Variants in WDSUB1 observed in about 807,000 individuals in gnomAD.
The protein encoded by WDSUB1 is WD repeat, SAM and U-box domain-containing protein 1.
A neutral mutation model predicts 53.9 loss-of-function variants in WDSUB1; 49 were observed. The observed-to-expected ratio is 0.91, with a 90% confidence interval of 0.72 to 1.15. WDSUB1 has a LOEUF of 1.15. Among genes scored for constraint, WDSUB1 ranks in the 50% most tolerant of loss-of-function variants. The probability of loss-of-function intolerance (pLI) is 0.00; values close to 1 mark genes in which losing one functional copy is unlikely to be tolerated. For missense variants in WDSUB1, 514 were observed against 562.0 expected (o/e 0.91, Z 0.86); for synonymous variants, 194 against 200.6 (o/e 0.97, Z 0.28).
At position 159,271,799 on chromosome 2, in the gene WDSUB1, C is replaced by A. The variant is rs555981399; in HGVS notation, c.677-4G>T. 124 of 1,611,270 alleles carry A rather than the reference C, an allele frequency of 7.7e-5. No homozygotes were observed. The South Asian group carries it at 1.3e-3, about 17-fold the overall frequency. ...CTTTTATATTTTAATTCAAAACCTG[C>A]AAATAACAAGGTAACAGAGATTAGA... On this transcript the variant is annotated splice_polypyrimidine_tract_variant and splice_region_variant and intron_variant, in intron 4 of 10. Coordinates refer to ENST00000359774, the MANE Select transcript of WDSUB1 (RefSeq NM_001128212.3).
chr2:159,245,272 AT>A, intron 10 of WDSUB1, among the ~76,000 whole-genome samples: 1 of 152,206 alleles, frequency 6.6e-6, no homozygotes, highest in East Asian at 1.9e-4. Flanking sequence ...CATGCTTGTA[AT>A]ACCAGCACTT....
chr2:159,255,312 A>G (rs1480555291), intron 9 of WDSUB1, among the ~76,000 whole-genome samples: 1 of 151,728 alleles, frequency 6.6e-6, no homozygotes, highest in Non-Finnish European at 1.5e-5. Flanking sequence ...CTAAAAATAT[A>G]AAAAATTAGC....
intron 10 of WDSUB1, among the ~76,000 whole-genome samples, chr2:159,240,067 C>T (rs944810621): frequency 1.3e-5 from 2 of 152,172 alleles, no homozygotes; most frequent in East Asian, 1.9e-4. Context: ...TCACTGCCCC[C>T]GCAGCGTGTG....
intron 4 of WDSUB1, among the ~76,000 whole-genome samples, chr2:159,272,617 C>T (rs2151131223): frequency 6.6e-6 from 1 of 152,182 alleles, no homozygotes; most frequent in East Asian, 1.9e-4. Context: ...TAAACTATAC[C>T]ACAATTTTAG....
At chr2:159,237,502 C>T (rs1273007002) in intron 10 of WDSUB1, among the ~76,000 whole-genome samples, 1 of 147,852 alleles carries the variant, frequency 6.8e-6, no homozygotes, top group Non-Finnish European at 1.5e-5. Context: ...GCCTGGGTGA[C>T]AGAGCAAGAC....
At chr2:159,271,935 C>T (rs750448728) in intron 4 of WDSUB1, 140 bp from the exon 5 acceptor site, 11 of 656,544 alleles carry the variant, frequency 1.7e-5, no homozygotes, top group Admixed American at 3.0e-5. Context: ...CCTCATGCAG[C>T]TCAGATATCT....
intron 10 of WDSUB1, among the ~76,000 whole-genome samples, chr2:159,247,910 A>ATATAAATATATATATAT (rs2060846247): frequency 0.011 from 194 of 17,578 alleles, 2 homozygotes; most frequent in Middle Eastern, 0.029. Flanking sequence ...TATATATATA[A>ATATAAATATATATATAT]ATATATATAT....
Position 159,271,698 on chromosome 2 carries a change from T to G in WDSUB1, c.770+4A>C. The stretch of plus-strand genomic sequence containing the variant: ...GTTTAGGAAAATTAAACCAACTAGC[T>G]TACCCTGAGACTAGCATCTGCCCAT... On this transcript the variant is annotated splice_donor_region_variant and intron_variant, in intron 5 of 10. Transcript: ENST00000359774. 6.2e-7 allele frequency: 1 copy of G among 1,613,316 alleles called. No homozygotes were observed. The highest frequency in any genetic ancestry group is 8.5e-7 in the Non-Finnish European group (1 of 1,179,430).
Position 159,236,126 on chromosome 2 carries a change from G to A in WDSUB1, c.1338C>T (p.Pro446=). 1.2e-6 allele frequency: 2 copies of A among 1,613,890 alleles called. No homozygotes were observed. The highest frequency in any genetic ancestry group is 1.7e-6 in the Non-Finnish European group (2 of 1,179,914). Residue 446 remains proline, a synonymous_variant, in exon 11 of 11, where the codon CCC becomes CCT. Coordinates refer to ENST00000359774, the MANE Select transcript of WDSUB1 (RefSeq NM_001128212.3). ...NWISKKKRTS[P]MTNLVLPSAV... is the part of the protein sequence containing the mutation. ...CTGAAGGAAGAACAAGATTTGTCAT[G>A]GGACTTGTACGTTTCTTTTTGCTGA... is the stretch of plus-strand genomic sequence containing the variant.
chr2:159,254,570 A>C (rs2061020682), intron 9 of WDSUB1, among the ~76,000 whole-genome samples: 1 of 151,634 alleles, frequency 6.6e-6, no homozygotes, highest in South Asian at 2.1e-4. Flanking sequence ...CAAACAAAAA[A>C]CTAGAATGCC....
At chr2:159,276,552 C>T (rs1038393971) in intron 3 of WDSUB1, among the ~76,000 whole-genome samples, 2 of 152,158 alleles carry the variant, frequency 1.3e-5, no homozygotes, top group Non-Finnish European at 2.9e-5. Flanking sequence ...CCCAGAAGAG[C>T]TACTACATTA....
intron 5 of WDSUB1, among the ~76,000 whole-genome samples, chr2:159,269,160 C>T (rs2061400340): frequency 6.7e-6 from 1 of 149,132 alleles, no homozygotes; most frequent in South Asian, 2.1e-4. Flanking sequence ...AATATCTTTC[C>T]ACAGATTTTT....
At chr2:159,238,277 AAGGAATTT>A (rs1234377032) in intron 10 of WDSUB1, among the ~76,000 whole-genome samples, 7 of 39,164 alleles carry the variant, frequency 1.8e-4, no homozygotes, top group African/African-American at 8.0e-4. Flanking sequence ...CAATTCTATC[AAGGAATTT>A]ACTTACAAAT....
At chr2:159,275,735 TTTAAACCATGTTCACAA>T in intron 3 of WDSUB1, 97 bp from the exon 4 acceptor site, 1 of 888,428 alleles carries the variant, frequency 1.1e-6, no homozygotes, top group Non-Finnish European at 1.7e-6. Flanking sequence ...ATTCTACTCA[TTTAAACCATGTTCACAA>T]GTTATTAGTT....
intron 3 of WDSUB1, among the ~76,000 whole-genome samples, chr2:159,278,181 C>T (rs1307338830): frequency 6.6e-6 from 1 of 152,122 alleles, no homozygotes; most frequent in East Asian, 1.9e-4. Flanking sequence ...TAGAGAAGGT[C>T]CCACAGAAAT....
In WDSUB1 at chr2:159,286,583, C is replaced by G. The variant is rs1156597734; in HGVS notation, c.-25G>C. 3 of 152,222 alleles carry G rather than the reference C, an allele frequency of 2.0e-5. No individual in the cohort carries two copies. Among genetic ancestry groups the G allele is most frequent in the African/African-American group, 4.8e-5 (2 of 41,424 alleles). 9.4% of individuals were successfully genotyped at this position (152,222 alleles called of 1,614,324 possible). On this transcript the variant is annotated splice_region_variant and 5_prime_UTR_variant, in exon 1 of 11. Transcript: ENST00000359774. ...GGCCCGTGGGCGCGGCCGCTCTCAC[C>G]TGCAGGAGCGGGGGCGCGCGGGATC...
intron 10 of WDSUB1, among the ~76,000 whole-genome samples, chr2:159,244,173 A>G (rs1478215737): frequency 1.3e-5 from 2 of 152,150 alleles, no homozygotes; most frequent in Admixed American, 1.3e-4. Flanking sequence ...GAAGGTAACA[A>G]TGTCTACACA....
chr2:159,275,349 G>T (rs1183581398), intron 4 of WDSUB1, among the ~76,000 whole-genome samples, 197 bp downstream of exon 4: 1 of 152,170 alleles, frequency 6.6e-6, no homozygotes, highest in Admixed American at 6.5e-5. Flanking sequence ...AATGTGCATG[G>T]CAGTAGAATG....
At chr2:159,271,351 A>G (rs2061440700) in intron 5 of WDSUB1, among the ~76,000 whole-genome samples, 1 of 152,212 alleles carries the variant, frequency 6.6e-6, no homozygotes, top group African/African-American at 2.4e-5. Context: ...TATCCATGCC[A>G]TGGAATATTA....
Sources: allele counts gnomAD v4.1 joint callset (sites outside exome capture counted in the v4.1 genomes callset), GRCh38; gene constraint gnomAD v4.1.1; transcripts MANE v1.5; gene names NCBI Gene and HGNC (gene_info 2026-07-23, HGNC 2026-07-21).